The following PGR variants were observed in gnomAD, a reference collection of about 807,000 sequenced individuals.
The protein encoded by PGR is nuclear receptor subfamily 3 group C member 3.
Under a neutral mutation model 76.1 loss-of-function variants are expected in PGR, and 25 were observed. That is an observed-to-expected ratio of 0.33 (90% confidence interval 0.24 to 0.46). The LOEUF (loss-of-function observed/expected upper bound fraction) is 0.46. PGR is among the 20% of genes least tolerant of loss of function. The pLI, the probability that PGR is intolerant of heterozygous loss-of-function variation, is 1.00. For missense variants in PGR, 1,172 were observed against 1,225.3 expected (o/e 0.96, Z 0.65); for synonymous variants, 579 against 535.0 (o/e 1.08, Z -1.14).
chr11:101,070,792 G>T (rs1860905857), intron 3 of PGR, among the ~76,000 whole-genome samples: 1 of 152,186 alleles, frequency 6.6e-6, no homozygotes, highest in African/African-American at 2.4e-5. Flanking sequence ...TCTGGGCAGG[G>T]CATCTCTGAA....
chr11:101,128,674 C>T lies in PGR; in HGVS notation c.397G>A (p.Ala133Thr). ...GPGQSQPSPP[A>T]CEVTSSWCLF... ...CACCAAGAGCTGGTGACCTCGCAGG[C>T]GGGAGGGCTGGGTTGGCTCTGCCCG... The change falls in exon 1 of 8, where the codon GCC (alanine) becomes ACC (threonine). Residue 133 changes from alanine (A) to threonine (T), a missense_variant. Coordinates refer to ENST00000325455, the MANE Select transcript of PGR (RefSeq NM_000926.4). 1 of 1,598,506 alleles carries T rather than the reference C, an allele frequency of 6.3e-7. No homozygotes were observed.
rs995001050 is a variant in PGR at position 101,033,195 on chromosome 11, C to G, written c.*5921G>C. The G allele has an allele frequency of 5.3e-5, 11 of 208,844 alleles. No homozygotes were observed. The highest frequency in any genetic ancestry group is 6.8e-5 in the Non-Finnish European group (7 of 102,576). 12.9% of individuals were successfully genotyped at this position (208,844 alleles called of 1,614,324 possible). Reference sequence around the variant, plus strand: ...CTAAAGTGAAGAATTCTAAAGTCTGCCATGTGAAAATCTCTTCCTATCCCT... The same window carrying G: ...CTAAAGTGAAGAATTCTAAAGTCTGGCATGTGAAAATCTCTTCCTATCCCT... On this transcript the variant is annotated 3_prime_UTR_variant, in exon 8 of 8. Coordinates refer to ENST00000325455, the MANE Select transcript of PGR (RefSeq NM_000926.4).
rs149186732 is a variant in PGR at position 101,051,562 on chromosome 11, C to T, written c.2219G>A (p.Arg740Gln). The T allele has an allele frequency of 1.0e-4, 162 of 1,602,428 alleles. No individual in the cohort carries two copies. Among genetic ancestry groups the T allele is most frequent in the Admixed American group, 5.7e-4 (34 of 59,856 alleles). The change falls in exon 5 of 8, where the codon CGA (arginine) becomes CAA (glutamine). Residue 740 changes from arginine to glutamine, a missense_variant. Coordinates refer to ENST00000325455, the MANE Select transcript of PGR (RefSeq NM_000926.4). ...TATCTGGTCATCAATATGTAAGTTT[C>T]GAAAACCTACAAAACAAATTTAAAA... is the stretch of plus-strand genomic sequence containing the variant. ...VKWSKSLPGF[R>Q]NLHIDDQITL...
rs186469952 is a variant in PGR at position 101,035,963 on chromosome 11, G to C, written c.*3153C>G. On this transcript the variant is annotated 3_prime_UTR_variant, in exon 8 of 8. Transcript: ENST00000325455. ...TTACTATTTCTGAAGGCCTGTATAC[G>C]TTTTTTTTGGTTTCCATTTCTATTC... 2 of 225,076 alleles carry C rather than the reference G, an allele frequency of 8.9e-6. No individual in the cohort carries two copies. Among genetic ancestry groups the C allele is most frequent in the Non-Finnish European group, 1.8e-5 (2 of 113,202 alleles). 13.9% of individuals were successfully genotyped at this position (225,076 alleles called of 1,614,324 possible). A position where few individuals can be genotyped will look rare whatever the true frequency, so the allele number is the denominator to read the frequency against.
intron 3 of PGR, among the ~76,000 whole-genome samples, chr11:101,074,160 GC>G (rs763790268): frequency 6.6e-5 from 10 of 152,122 alleles, no homozygotes; most frequent in Admixed American, 1.3e-4. Flanking sequence ...TGAGATGAAA[GC>G]CTGGATCAAC....
Position 101,128,366 on chromosome 11 carries a change from C to A in PGR, c.705G>T (p.Pro235=). Residue 235 remains proline, a synonymous_variant, in exon 1 of 8, where the codon CCG becomes CCT. Transcript: ENST00000325455. Reference sequence around the variant, plus strand: ...GAGCCCGAGGTTTGCCCTTCAGAAGCGGACCCGCAGACTCCTCGGACTCAG... The same window carrying A: ...GAGCCCGAGGTTTGCCCTTCAGAAGAGGACCCGCAGACTCCTCGGACTCAG... ...DGSESEESAG[P]LLKGKPRALG... is the part of the protein sequence containing the mutation. The A allele has an allele frequency of 6.2e-7, 1 of 1,606,050 alleles. No individual in the cohort carries two copies. The highest frequency in any genetic ancestry group is 8.5e-7 in the Non-Finnish European group (1 of 1,179,510).
chr11:101,118,614 T>A (rs1259791608), intron 2 of PGR, among the ~76,000 whole-genome samples: 4 of 152,354 alleles, frequency 2.6e-5, no homozygotes, highest in Non-Finnish European at 5.9e-5. Context: ...CAAAACCTGT[T>A]AATTTTTTAA....
rs893934834 is a variant in PGR, at chr11:101,032,873, T to C, written c.*6243A>G. The C allele has an allele frequency of 4.8e-5, 9 of 187,370 alleles. No homozygotes were observed. The highest frequency in any genetic ancestry group is 1.9e-4 in the African/African-American group (8 of 42,862). The allele number at this position is 187,370 out of a possible 1,614,324, so 11.6% of individuals were successfully genotyped here. A position where few individuals can be genotyped will look rare whatever the true frequency, so the allele number is the denominator to read the frequency against. ...CCACAATCTAGCAGAGTGACTGGCA[T>C]ACAGCACAGTAAAGGCTTCACAGCT... is the stretch of plus-strand genomic sequence containing the variant. On this transcript the variant is annotated 3_prime_UTR_variant, in exon 8 of 8. Transcript: ENST00000325455.
At chr11:101,083,109 C>G (rs899964571) in intron 3 of PGR, among the ~76,000 whole-genome samples, 5 of 152,222 alleles carry the variant, frequency 3.3e-5, no homozygotes, top group African/African-American at 1.2e-4. Context: ...TGCATTCCAG[C>G]TGCTCCAGCT....
Position 101,062,803 on chromosome 11 carries a change from T to A in PGR, c.1907-51A>T, listed in dbSNP as rs777922752. 5.7e-6 allele frequency: 7 copies of A among 1,226,202 alleles called. No individual in the cohort carries two copies. In the South Asian group the frequency reaches 7.8e-5, roughly 14 times the overall value. The allele number at this position is 1,226,202 out of a possible 1,614,324, so 76.0% of individuals were successfully genotyped here. A position where few individuals can be genotyped will look rare whatever the true frequency, so the allele number is the denominator to read the frequency against. ...CATGTAAATATATATAAACTCCATA[T>A]CCCAGTATAGTATTATTTTTCCTAA... On this transcript the variant is annotated intron_variant, in intron 3 of 7. Coordinates refer to ENST00000325455, the MANE Select transcript of PGR (RefSeq NM_000926.4).
At chr11:101,095,033 A>G (rs1168457166) in intron 2 of PGR, among the ~76,000 whole-genome samples, 1 of 152,228 alleles carries the variant, frequency 6.6e-6, no homozygotes, top group African/African-American at 2.4e-5. Context: ...CTCAGCCTTT[A>G]GAACCATCAG....
In PGR at chr11:101,031,777, A is replaced by C; in HGVS notation, c.*7339T>G. 4.4e-6 allele frequency: 1 copy of C among 227,884 alleles called. No individual in the cohort carries two copies. The highest frequency in any genetic ancestry group is 5.7e-5 in the Admixed American group (1 of 17,576). The allele number at this position is 227,884 out of a possible 1,614,324, so 14.1% of individuals were successfully genotyped here. The stretch of plus-strand genomic sequence containing the variant: ...GGAATCCCAGATAAGGCTTTTTAAA[A>C]GCCGAGCCCAGCCATGGATTCATAC... On this transcript the variant is annotated 3_prime_UTR_variant, in exon 8 of 8. Coordinates refer to ENST00000325455, the MANE Select transcript of PGR (RefSeq NM_000926.4).
At chr11:101,068,157 A>G (rs759463566) in intron 3 of PGR, among the ~76,000 whole-genome samples, 2 of 152,194 alleles carry the variant, frequency 1.3e-5, no homozygotes, top group Non-Finnish European at 2.9e-5. Flanking sequence ...AAAATATATT[A>G]AAAAGTATGG....
intron 2 of PGR, among the ~76,000 whole-genome samples, chr11:101,097,465 T>C (rs1277963439): frequency 1.3e-5 from 2 of 152,228 alleles, no homozygotes. Context: ...CTAGGTTCTA[T>C]AAGAGTAGGA....
chr11:101,106,857 C>T (rs1032187079), intron 2 of PGR, among the ~76,000 whole-genome samples: 11 of 152,136 alleles, frequency 7.2e-5, no homozygotes, highest in African/African-American at 2.4e-4. Flanking sequence ...AAATGTGGCA[C>T]GTATACACCA....
chr11:101,078,685 C>CA (rs1391574398), intron 3 of PGR, among the ~76,000 whole-genome samples: 1 of 152,102 alleles, frequency 6.6e-6, no homozygotes, highest in African/African-American at 2.4e-5. Flanking sequence ...TCAAATAACT[C>CA]AAAACATAAT....
chr11:101,031,291 T>C lies in PGR; in HGVS notation c.*7825A>G. The C allele has an allele frequency of 4.5e-6, 1 of 224,014 alleles. No individual in the cohort carries two copies. Among genetic ancestry groups the C allele is most frequent in the Non-Finnish European group, 8.9e-6 (1 of 112,252 alleles). The allele number at this position is 224,014 out of a possible 1,614,324, so 13.9% of individuals were successfully genotyped here. A position where few individuals can be genotyped will look rare whatever the true frequency, so the allele number is the denominator to read the frequency against. ...ACGGGGGTCTATGACCAGGCATAAC[T>C]AACAAGGGACTGGTGTATGGCCAGT... On this transcript the variant is annotated 3_prime_UTR_variant, in exon 8 of 8. Transcript: ENST00000325455.
chr11:101,077,300 A>G (rs1416357409), intron 3 of PGR, among the ~76,000 whole-genome samples: 1 of 152,096 alleles, frequency 6.6e-6, no homozygotes, highest in Non-Finnish European at 1.5e-5. Flanking sequence ...CTGGCACTAC[A>G]CTTTAACAAT....
chr11:101,030,331 TA>T lies in PGR; in HGVS notation c.*8784del. 4.4e-6 allele frequency: 1 copy of T among 225,274 alleles called. No individual in the cohort carries two copies. The highest frequency in any genetic ancestry group is 8.8e-6 in the Non-Finnish European group (1 of 113,120). The allele number at this position is 225,274 out of a possible 1,614,324, so 14.0% of individuals were successfully genotyped here. ...CATGTGCAAAACAGTCAAAGTATGT[TA>T]GGGGAAATTTAAAACATTACATAGA... On this transcript the variant is annotated 3_prime_UTR_variant, in exon 8 of 8. Coordinates refer to ENST00000325455, the MANE Select transcript of PGR (RefSeq NM_000926.4).
Sources: gnomAD v4.1 joint callset for allele counts (sites outside exome capture counted in the v4.1 genomes callset) on GRCh38, gnomAD v4.1.1 for gene constraint, MANE v1.5 for transcripts, NCBI Gene and HGNC (gene_info 2026-07-23, HGNC 2026-07-21) for gene names.